PRKAR1B: variants seen among roughly 807,000 people sequenced by gnomAD.
The protein encoded by PRKAR1B is cAMP-dependent protein kinase type I-beta regulatory subunit.
PRKAR1B carries 22 observed loss-of-function variants against 46.5 expected under a neutral mutation model. The ratio of observed to expected loss-of-function variants is 0.47; its 90% CI spans 0.34 to 0.68. PRKAR1B has a LOEUF of 0.68. PRKAR1B is among the 30% of genes least tolerant of loss of function. PRKAR1B has a pLI of 0.01. For synonymous variants in PRKAR1B, 259 were observed against 217.7 expected (o/e 1.19, Z -1.67); for missense variants, 445 against 535.6 (o/e 0.83, Z 1.67).
At chr7:567,427 TC>T (rs1444570666) in intron 9 of PRKAR1B, among the ~76,000 whole-genome samples, 2 of 133,816 alleles carry the variant, frequency 1.5e-5, no homozygotes, top group African/African-American at 5.7e-5. Flanking sequence ...ATCACCATCA[TC>T]ACCATCATCA....
At chr7:672,782 C>T (rs551772682) in intron 4 of PRKAR1B, among the ~76,000 whole-genome samples, 3 of 151,988 alleles carry the variant, frequency 2.0e-5, no homozygotes, top group South Asian at 2.1e-4. Context: ...GCAGGGGAAT[C>T]GCTTGAACCC....
chr7:558,374 GAGA>G (rs1274759595), intron 9 of PRKAR1B, among the ~76,000 whole-genome samples: 2 of 150,352 alleles, frequency 1.3e-5, no homozygotes, highest in African/African-American at 2.4e-5. Flanking sequence ...GGAGGAGGAG[GAGA>G]AGAAGAAATA....
intron 4 of PRKAR1B, among the ~76,000 whole-genome samples, chr7:647,515 C>T (rs757933921): frequency 2.6e-5 from 4 of 152,050 alleles, no homozygotes; most frequent in African/African-American, 7.2e-5. Flanking sequence ...TCTTAAAACA[C>T]GTACCTCCAG....
At chr7:661,986 C>T (rs1785601579) in intron 4 of PRKAR1B, among the ~76,000 whole-genome samples, 2 of 81,394 alleles carry the variant, frequency 2.5e-5, no homozygotes, top group Admixed American at 1.2e-4. Flanking sequence ...GTCCAAATAC[C>T]TACTCTCCCC....
At chr7:680,213 G>C (rs972807892) in intron 3 of PRKAR1B, among the ~76,000 whole-genome samples, 6 of 151,152 alleles carry the variant, frequency 4.0e-5, no homozygotes, top group Non-Finnish European at 8.8e-5. Flanking sequence ...AGCATGGGAG[G>C]CACACAGCCC....
At chr7:591,174 C>T (rs1407698568) in intron 7 of PRKAR1B, among the ~76,000 whole-genome samples, 1 of 152,162 alleles carries the variant, frequency 6.6e-6, no homozygotes, top group Non-Finnish European at 1.5e-5. Flanking sequence ...CAGGGGCCCC[C>T]GGGGGAGGGC....
chr7:575,606 C>T (rs1037518057), intron 9 of PRKAR1B, among the ~76,000 whole-genome samples: 17 of 152,154 alleles, frequency 1.1e-4, no homozygotes, highest in South Asian at 2.1e-4. Context: ...AGTGCAATGG[C>T]GCAATCATAG....
chr7:569,517 AGGCCCT>A (rs1562525893), intron 9 of PRKAR1B, among the ~76,000 whole-genome samples: 1 of 152,238 alleles, frequency 6.6e-6, no homozygotes, highest in East Asian at 1.9e-4. Flanking sequence ...GTTGTGCCCA[AGGCCCT>A]GGGGGAGCTT....
At chr7:559,744 G>A (rs1004007707) in intron 9 of PRKAR1B, among the ~76,000 whole-genome samples, 1 of 152,166 alleles carries the variant, frequency 6.6e-6, no homozygotes, top group Non-Finnish European at 1.5e-5. Context: ...TCCCTTATGT[G>A]AAGTTCTACA....
At chr7:603,080 C>T (rs541432144) in intron 6 of PRKAR1B, 4 of 152,354 alleles carry the variant, frequency 2.6e-5, no homozygotes, top group African/African-American at 9.6e-5. Context: ...AAGCAAAGAA[C>T]ATGGAAAGCA....
At chr7:604,267 G>C (rs907481862) in intron 6 of PRKAR1B, among the ~76,000 whole-genome samples, 1 of 152,332 alleles carries the variant, frequency 6.6e-6, no homozygotes, top group Admixed American at 6.5e-5. Context: ...TTTTAAACTC[G>C]AAGCAAAGCC....
intron 2 of PRKAR1B, among the ~76,000 whole-genome samples, chr7:690,178 C>A (rs1486198574): frequency 6.6e-6 from 1 of 151,892 alleles, no homozygotes; most frequent in Non-Finnish European, 1.5e-5. Flanking sequence ...CTCCTGTAAT[C>A]CCAGCTACTC....
rs1200719200 is a variant in PRKAR1B, at chr7:677,338, C to T, written c.349-18G>A. On this transcript the variant is annotated intron_variant, in intron 3 of 10. Coordinates refer to ENST00000537384, the MANE Select transcript of PRKAR1B (RefSeq NM_001164760.2). Reference sequence around the variant, plus strand: ...GGAATCACCTGAAGCGGAGCCAACACATCACCGTGTGAGCCACCCTGGCCT... The same window carrying T: ...GGAATCACCTGAAGCGGAGCCAACATATCACCGTGTGAGCCACCCTGGCCT... 3 of 1,612,776 alleles carry T rather than the reference C, an allele frequency of 1.9e-6. No homozygotes were observed. The highest frequency in any genetic ancestry group is 4.5e-5 in the East Asian group (2 of 44,892).
intron 2 of PRKAR1B, among the ~76,000 whole-genome samples, chr7:685,379 TAC>T (rs1300889549): frequency 6.2e-5 from 1 of 16,042 alleles, no homozygotes. Context: ...TATATATATA[TAC>T]ATACATATAT....
At chr7:630,911 C>A (rs1374927997) in intron 4 of PRKAR1B, among the ~76,000 whole-genome samples, 1 of 152,092 alleles carries the variant, frequency 6.6e-6, no homozygotes, top group East Asian at 1.9e-4. Flanking sequence ...GCTCCCTGAC[C>A]ATCGCCTGGT....
intron 2 of PRKAR1B, among the ~76,000 whole-genome samples, chr7:698,471 G>C (rs1190387114): frequency 6.6e-6 from 1 of 151,818 alleles, no homozygotes; most frequent in Non-Finnish European, 1.5e-5. Context: ...TGCATATCTA[G>C]GTACGTATGT....
chr7:721,122 G>A (rs183521419), intron 1 of PRKAR1B, among the ~76,000 whole-genome samples: 1 of 152,208 alleles, frequency 6.6e-6, no homozygotes, highest in Admixed American at 6.5e-5. Context: ...TTGAGTGAGT[G>A]GACAAACCTT....
chr7:572,947 G>A (rs1266247014), intron 9 of PRKAR1B, among the ~76,000 whole-genome samples: 1 of 152,216 alleles, frequency 6.6e-6, no homozygotes, highest in South Asian at 2.1e-4. Flanking sequence ...TCCTCCACGC[G>A]CTGCTTCAAG....
At chr7:686,793 C>G (rs186584249) in intron 2 of PRKAR1B, among the ~76,000 whole-genome samples, 122 of 152,198 alleles carry the variant, frequency 8.0e-4, no homozygotes, top group African/African-American at 2.8e-3. Flanking sequence ...ATGAACACAG[C>G]AGTTGGAACC....
Sources: gnomAD v4.1 joint callset for allele counts (sites outside exome capture counted in the v4.1 genomes callset) on GRCh38, gnomAD v4.1.1 for gene constraint, MANE v1.5 for transcripts, NCBI Gene and HGNC (gene_info 2026-07-23, HGNC 2026-07-21) for gene names.